The following SEMA4F variants were observed in gnomAD, a reference collection of about 807,000 sequenced individuals.
SEMA4F encodes semaphorin-4F.
A neutral mutation model predicts 78.4 loss-of-function variants in SEMA4F; 51 were observed. That is an observed-to-expected ratio of 0.65 (90% CI 0.52 to 0.82). The LOEUF is 0.82. Ranked by LOEUF, SEMA4F falls within the 40% of genes least tolerant of loss-of-function variation. SEMA4F has a pLI of 0.00. For missense variants in SEMA4F, 938 were observed against 1,014.4 expected (o/e 0.92, Z 1.02); for synonymous variants, 418 against 408.7 (o/e 1.02, Z -0.27).
downstream of SEMA4F, among the ~76,000 whole-genome samples, chr2:74,686,868 G>A (rs1253994655): frequency 2.0e-5 from 3 of 151,698 alleles, no homozygotes; most frequent in African/African-American, 7.3e-5. Context: ...CACACACTGG[G>A]GCCTGTTGGA....
Position 74,675,847 on chromosome 2 carries a change from C to A in SEMA4F, c.1581C>A (p.Asp527Glu). 6.2e-7 allele frequency: 1 copy of A among 1,614,252 alleles called. No individual in the cohort carries two copies. ...GCTCAGAGTGCATCCTGGCCCAGGA[C>A]CCAGTCTGTGCCTGGAGCTTCCGGC... ...QSCSECILAQ[D>E]PVCAWSFRLD... Residue 527 changes from aspartate (D) to glutamate (E), a missense_variant, in exon 12 of 14, where the codon GAC becomes GAA. Coordinates refer to ENST00000357877, the MANE Select transcript of SEMA4F (RefSeq NM_004263.5).
the SEMA4F span, among the ~76,000 whole-genome samples, chr2:74,701,607 C>T: frequency 6.6e-6 from 1 of 152,196 alleles, no homozygotes; most frequent in African/African-American, 2.4e-5. Context: ...AACCTCAGCA[C>T]CTCTCGTTGT....
chr2:74,659,821 T>C (rs1684340603), intron 4 of SEMA4F, among the ~76,000 whole-genome samples: 1 of 152,180 alleles, frequency 6.6e-6, no homozygotes, highest in African/African-American at 2.4e-5. Flanking sequence ...ATATAAACAA[T>C]TATCTGAGAG....
At chr2:74,667,032 GT>G (rs1366679061) in intron 5 of SEMA4F, among the ~76,000 whole-genome samples, 1 of 151,944 alleles carries the variant, frequency 6.6e-6, no homozygotes. Context: ...ATGTGTCTGC[GT>G]ATTTATTATA....
At chr2:74,690,340 G>A in the SEMA4F span, among the ~76,000 whole-genome samples, 2 of 152,000 alleles carry the variant, frequency 1.3e-5, no homozygotes, top group Admixed American at 6.6e-5. Flanking sequence ...CCTGATGAGG[G>A]GTTTTACTTT....
chr2:74,686,821 G>A (rs973332803), downstream of SEMA4F, among the ~76,000 whole-genome samples: 2 of 146,660 alleles, frequency 1.4e-5, no homozygotes, highest in African/African-American at 5.3e-5. Context: ...AATGGGAGTT[G>A]AACAATGACA....
chr2:74,704,439 G>A, the SEMA4F span, among the ~76,000 whole-genome samples: 6 of 151,206 alleles, frequency 4.0e-5, no homozygotes, highest in East Asian at 1.9e-4. Flanking sequence ...TACCAGCTAC[G>A]TGGCCTTGAG....
downstream of SEMA4F, among the ~76,000 whole-genome samples, chr2:74,685,530 G>A (rs1445477790): frequency 1.3e-5 from 2 of 151,914 alleles, no homozygotes; most frequent in Non-Finnish European, 1.5e-5. Flanking sequence ...GCTCCAATCC[G>A]GGAATCCCAG....
downstream of SEMA4F, among the ~76,000 whole-genome samples, chr2:74,688,321 T>C (rs1685859812): frequency 6.6e-6 from 1 of 152,134 alleles, no homozygotes; most frequent in Non-Finnish European, 1.5e-5. Flanking sequence ...TTCATATATA[T>C]AAAACAGAAC....
the SEMA4F span, among the ~76,000 whole-genome samples, chr2:74,701,394 G>T: frequency 2.0e-5 from 3 of 152,236 alleles, no homozygotes; most frequent in Admixed American, 2.0e-4. Flanking sequence ...TCCTGAATCA[G>T]CCCTACCATT....
At chr2:74,691,982 G>A in the SEMA4F span, among the ~76,000 whole-genome samples, 4 of 152,166 alleles carry the variant, frequency 2.6e-5, no homozygotes, top group African/African-American at 9.7e-5. Flanking sequence ...CCAGCCTTAC[G>A]GAGCAGGCCT....
rs890256892 is a variant in SEMA4F, at chr2:74,681,925, A to G, written c.*1716A>G. 6.6e-6 allele frequency: 1 copy of G among 152,622 alleles called. No individual in the cohort carries two copies. The highest frequency in any genetic ancestry group is 2.4e-5 in the African/African-American group (1 of 41,442). 9.5% of individuals were successfully genotyped at this position (152,622 alleles called of 1,614,324 possible). A position where few individuals can be genotyped will look rare whatever the true frequency, so the allele number is the denominator to read the frequency against. ...TGGCTTTGCCACTAGTAAATGTGTG[A>G]TCTTCGGCAAGTAACCTAACCTAGG... On this transcript the variant is annotated 3_prime_UTR_variant, in exon 14 of 14. Transcript: ENST00000357877.
chr2:74,673,997 C>T lies in SEMA4F; in HGVS notation c.822+169C>T, dbSNP rs116785661. 4.6e-3 allele frequency among the ~76,000 whole-genome samples: 704 copies of T among 152,308 alleles called. 4 individuals carry two copies. Among genetic ancestry groups the T allele is most frequent in the Middle Eastern group, 0.01 (3 of 294 alleles). On this transcript the variant is annotated intron_variant, in intron 7 of 13. Transcript: ENST00000357877. ...GAATGTGAGAGAGAGGCTCTGGCCT[C>T]TTTGACACGCACAATTACCCTTGTG...
At chr2:74,709,270 CA>C in the SEMA4F span, among the ~76,000 whole-genome samples, 1 of 152,174 alleles carries the variant, frequency 6.6e-6, no homozygotes, top group Non-Finnish European at 1.5e-5. Context: ...ATTTGAATGA[CA>C]GAAATTTTTC....
chr2:74,660,353 G>A (rs1684364284), intron 4 of SEMA4F, among the ~76,000 whole-genome samples: 1 of 152,224 alleles, frequency 6.6e-6, no homozygotes, highest in Non-Finnish European at 1.5e-5. Flanking sequence ...TCAATTTCTT[G>A]TGGCATTTGA....
the SEMA4F span, among the ~76,000 whole-genome samples, chr2:74,696,185 CTTTTTTTTTT>C: frequency 6.4e-5 from 7 of 109,016 alleles, no homozygotes; most frequent in Non-Finnish European, 1.8e-5. Flanking sequence ...TCTCCTGCCT[CTTTTTTTTTT>C]TTTTTTTTTT....
Position 74,654,307 on chromosome 2 carries a change from G to C in SEMA4F, c.-70G>C, listed in dbSNP as rs1683990058. ...GCCGAGAGGACCCGAGTGGGGCCGA[G>C]GCCAGTAGCCCCGGGGCCCTGAGCA... On this transcript the variant is annotated 5_prime_UTR_variant, in exon 1 of 14. Coordinates refer to ENST00000357877, the MANE Select transcript of SEMA4F (RefSeq NM_004263.5). 1 of 1,372,220 alleles carries C rather than the reference G, an allele frequency of 7.3e-7. No homozygotes were observed. The highest frequency in any genetic ancestry group is 3.7e-5 in the Admixed American group (1 of 26,720). 85.0% of individuals were successfully genotyped at this position (1,372,220 alleles called of 1,614,324 possible).
intron 12 of SEMA4F, 94 bp from the exon 13 acceptor site, chr2:74,679,181 TG>T: frequency 1.0e-6 from 1 of 965,732 alleles, no homozygotes; most frequent in South Asian, 1.3e-5. Context: ...TCTGGGATGA[TG>T]GGAGATATAT....
intron 12 of SEMA4F, among the ~76,000 whole-genome samples, chr2:74,678,049 T>C (rs1685388424): frequency 6.6e-6 from 1 of 152,236 alleles, no homozygotes. Context: ...ATGACAGGCT[T>C]GGCCAGCTTT....
Sources: allele counts gnomAD v4.1 joint callset (sites outside exome capture counted in the v4.1 genomes callset), GRCh38; gene constraint gnomAD v4.1.1; transcripts MANE v1.5; gene names NCBI Gene and HGNC (gene_info 2026-07-23, HGNC 2026-07-21).